The following TBC1D16 variants were observed in gnomAD, a reference collection of about 807,000 sequenced individuals.
The protein encoded by TBC1D16 is TBC1 domain family member 16.
A neutral mutation model predicts 74.7 loss-of-function variants in TBC1D16; 58 were observed. The ratio of observed to expected loss-of-function variants is 0.78; its 90% CI spans 0.63 to 0.97. The LOEUF is 0.97. Among genes scored for constraint, TBC1D16 ranks in the 50% least tolerant of loss-of-function variants. The pLI is 0.00. For missense variants in TBC1D16, 1,014 were observed against 1,079.5 expected (o/e 0.94, Z 0.85); for synonymous variants, 493 against 474.7 (o/e 1.04, Z -0.50).
intron 3 of TBC1D16, among the ~76,000 whole-genome samples, chr17:79,984,620 T>TGAAGGAAGGAAG (rs71287518): frequency 0.047 from 5,755 of 122,196 alleles, 184 homozygotes; most frequent in East Asian, 0.078. Flanking sequence ...AGGGAGGGAG[T>TGAAGGAAGGAAG]GAAGGAAGGA....
rs897907857 is a variant in TBC1D16 at position 79,979,061 on chromosome 17, C to T, written c.780-26243G>A. 2.0e-5 allele frequency among the ~76,000 whole-genome samples: 3 copies of T among 152,202 alleles called. No individual in the cohort carries two copies. Among genetic ancestry groups the T allele is most frequent in the Non-Finnish European group, 2.9e-5 (2 of 68,036 alleles). On this transcript the variant is annotated intron_variant, in intron 3 of 11. Coordinates refer to ENST00000310924, the MANE Select transcript of TBC1D16 (RefSeq NM_019020.4). This position sits in a 1 kb window ranked among gnomAD's most constrained non-coding sequence, Gnocchi z 4.8. ...TCCCCTAGATTTTATAGGAGCTTAA[C>T]GTGGGCAAACCAATGAGATGATTCT...
rs971528317 is a variant in TBC1D16 at position 79,979,028 on chromosome 17, A to AT, written c.780-26211dup. ...TTTTCTGAACCCAAAAAGAATGTTT[A>AT]TTTTTTTTCCCCTAGATTTTATAGG... On this transcript the variant is annotated intron_variant, in intron 3 of 11. Transcript: ENST00000310924. The surrounding 1 kb of genome is among the most constrained non-coding windows in gnomAD (Gnocchi z 4.8). Among the ~76,000 whole-genome samples the AT allele has an allele frequency of 2.6e-5, 4 of 152,062 alleles. No homozygotes were observed. Among genetic ancestry groups the AT allele is most frequent in the Non-Finnish European group, 5.9e-5 (4 of 68,002 alleles).
chr17:79,941,123 G>T lies in TBC1D16; in HGVS notation c.2056-16C>A, dbSNP rs371608953. 1.1e-5 allele frequency: 17 copies of T among 1,549,792 alleles called. No homozygotes were observed. The highest frequency in any genetic ancestry group is 1.4e-5 in the Non-Finnish European group (16 of 1,141,032). ...AACTCCTCGCCTGCAGACAGAGGAC[G>T]GGGGGTGAGGAGGGGCCGGGGGACA... On this transcript the variant is annotated splice_polypyrimidine_tract_variant and intron_variant, in intron 11 of 11. Transcript: ENST00000310924. The surrounding 1 kb of genome is among the most constrained non-coding windows in gnomAD (Gnocchi z 4.3).
chr17:80,034,200 C>CTTTTTT (rs35010521), intron 1 of TBC1D16, among the ~76,000 whole-genome samples: 1 of 120,878 alleles, frequency 8.3e-6, no homozygotes, highest in African/African-American at 3.2e-5. Flanking sequence ...TTTTTTTTTC[C>CTTTTTT]TTTTTTTTTT....
intron 3 of TBC1D16, among the ~76,000 whole-genome samples, chr17:79,959,175 C>G (rs938940202): frequency 2.6e-5 from 4 of 152,106 alleles, no homozygotes; most frequent in Non-Finnish European, 5.9e-5. Context: ...TAAAATACTT[C>G]GGAATAAGCC....
At position 80,010,656 on chromosome 17, in the gene TBC1D16, G is replaced by A. The variant is rs768893261; in HGVS notation, c.283C>T (p.Leu95=). 3 of 1,545,362 alleles carry A rather than the reference G, an allele frequency of 1.9e-6. No homozygotes were observed. The highest frequency in any genetic ancestry group is 1.7e-6 in the Non-Finnish European group (2 of 1,148,674). ...GAGCTCTCGGGTGTGATGTAGCGCA[G>A]GGCCTCCTCGTCCTGCCTCTGGATG... is the stretch of plus-strand genomic sequence containing the variant. ...SRIQRQDEEA[L]RYITPESSPV... The change falls in exon 3 of 12, where the codon CTG becomes TTG. Residue 95 remains leucine, a synonymous_variant. Transcript: ENST00000310924. This position sits in a 1 kb window ranked among gnomAD's most constrained non-coding sequence, Gnocchi z 8.8.
intron 1 of TBC1D16, among the ~76,000 whole-genome samples, chr17:80,014,557 A>G (rs1047592689): frequency 1.3e-5 from 2 of 152,164 alleles, no homozygotes; most frequent in African/African-American, 4.8e-5. Flanking sequence ...CCAACAAACC[A>G]GCAAAAAGCA....
At position 79,973,299 on chromosome 17, in the gene TBC1D16, G is replaced by A. The variant is rs146207104; in HGVS notation, c.780-20481C>T. Among the ~76,000 whole-genome samples the A allele has an allele frequency of 9.1e-4, 138 of 152,270 alleles. 2 individuals carry two copies. In the East Asian group the frequency reaches 0.023, roughly 26 times the overall value. ...AATAATAAAATAGAAGTGGCTGGGCGCGGTGGCTCATGCCTGTAATCCCAG... is the reference window on the plus strand; with the variant it reads ...AATAATAAAATAGAAGTGGCTGGGCACGGTGGCTCATGCCTGTAATCCCAG... On this transcript the variant is annotated intron_variant, in intron 3 of 11. Transcript: ENST00000310924.
chr17:79,974,142 C>T (rs372646391), intron 3 of TBC1D16, among the ~76,000 whole-genome samples: 4 of 152,118 alleles, frequency 2.6e-5, no homozygotes, highest in Admixed American at 2.0e-4. Flanking sequence ...AGACAGCTGG[C>T]GGGATGGAGG....
rs186208888 is a variant in TBC1D16 at position 79,971,301 on chromosome 17, G to T, written c.780-18483C>A. On this transcript the variant is annotated intron_variant, in intron 3 of 11. Coordinates refer to ENST00000310924, the MANE Select transcript of TBC1D16 (RefSeq NM_019020.4). This position sits in a 1 kb window ranked among gnomAD's most constrained non-coding sequence, Gnocchi z 4.6. ...GCCTCCCAAAGTGCTGGCATTACAG[G>T]TGTGAGGCACCGCACCCGGCCCACA... Among the ~76,000 whole-genome samples, 1 of 152,318 alleles carries T rather than the reference G, an allele frequency of 6.6e-6. No individual in the cohort carries two copies. Among genetic ancestry groups the T allele is most frequent in the East Asian group, 1.9e-4 (1 of 5,178 alleles).
chr17:80,023,656 G>C (rs1437826993), intron 1 of TBC1D16, among the ~76,000 whole-genome samples: 8 of 126,268 alleles, frequency 6.3e-5, no homozygotes, highest in East Asian at 2.1e-4. Context: ...ACTGCTGCCG[G>C]GCCCCCCCCC....
chr17:79,995,811 T>C (rs1353563109), intron 3 of TBC1D16, among the ~76,000 whole-genome samples: 1 of 151,882 alleles, frequency 6.6e-6, no homozygotes, highest in African/African-American at 2.4e-5. Flanking sequence ...AAAAAAACTT[T>C]CAGGATCTAG....
At position 79,971,780 on chromosome 17, in the gene TBC1D16, G is replaced by T. The variant is rs1270269365; in HGVS notation, c.780-18962C>A. Among the ~76,000 whole-genome samples the T allele has an allele frequency of 6.6e-6, 1 of 152,086 alleles. No individual in the cohort carries two copies. Among genetic ancestry groups the T allele is most frequent in the Non-Finnish European group, 1.5e-5 (1 of 68,018 alleles). On this transcript the variant is annotated intron_variant, in intron 3 of 11. Coordinates refer to ENST00000310924, the MANE Select transcript of TBC1D16 (RefSeq NM_019020.4). The surrounding 1 kb of genome is among the most constrained non-coding windows in gnomAD (Gnocchi z 4.6). The stretch of plus-strand genomic sequence containing the variant: ...ATGTGGATAATTTGGACACCACTTG[G>T]ACTGTGAGCTGCTGGGAGGTGTCAG...
rs746228874 is a variant in TBC1D16, at chr17:79,952,781, C to T, written c.817G>A (p.Asp273Asn). The T allele has an allele frequency of 2.1e-4, 336 of 1,611,402 alleles. No homozygotes were observed. The highest frequency in any genetic ancestry group is 2.8e-4 in the Non-Finnish European group (325 of 1,178,972). Residue 273 changes from aspartate to asparagine, a missense_variant, in exon 4 of 12, where the codon GAC (aspartate) becomes AAC (asparagine). By Grantham distance (23) the Asp-to-Asn change is conservative. Transcript: ENST00000310924. ...GGGGTCTGCAGGAGGCCGTTGCTGT[C>T]CGGGAACCGCAGGCCGGCGTCGGAG... ...SSSDAGLRFP[D>N]SNGLLQTPRW...
At chr17:79,957,411 T>C (rs1246478863) in intron 3 of TBC1D16, among the ~76,000 whole-genome samples, 1 of 152,172 alleles carries the variant, frequency 6.6e-6, no homozygotes, top group African/African-American at 2.4e-5. Context: ...CTTCAGTGCG[T>C]CTTACGAAGG....
intron 3 of TBC1D16, among the ~76,000 whole-genome samples, chr17:80,004,619 T>C (rs2035608254): frequency 6.6e-6 from 1 of 152,246 alleles, no homozygotes; most frequent in African/African-American, 2.4e-5. Flanking sequence ...CTGCTCCTTT[T>C]TCCCCACTGT....
At chr17:79,978,202 C>A (rs372853851) in intron 3 of TBC1D16, among the ~76,000 whole-genome samples, 1 of 152,142 alleles carries the variant, frequency 6.6e-6, no homozygotes, top group Admixed American at 6.5e-5. Context: ...CAGGGCCAAG[C>A]GGGGCGGGGA....
intron 3 of TBC1D16, among the ~76,000 whole-genome samples, chr17:79,967,413 C>G (rs1406335469): frequency 6.6e-6 from 1 of 151,948 alleles, no homozygotes; most frequent in Non-Finnish European, 1.5e-5. Context: ...CCCACTGAAA[C>G]CAATAAATGA....
intron 3 of TBC1D16, among the ~76,000 whole-genome samples, chr17:79,974,802 G>A (rs1164494571): frequency 2.0e-5 from 3 of 152,218 alleles, no homozygotes; most frequent in Non-Finnish European, 4.4e-5. Flanking sequence ...CACAGGTGGG[G>A]CTGGTAGGAG....
Sources: allele counts gnomAD v4.1 joint callset (sites outside exome capture counted in the v4.1 genomes callset), GRCh38; gene constraint gnomAD v4.1.1; non-coding constraint Gnocchi (gnomAD v3.1); transcripts MANE v1.5; gene names NCBI Gene and HGNC (gene_info 2026-07-23, HGNC 2026-07-21).